EIF2AK3: variants seen among roughly 807,000 people sequenced by gnomAD.
EIF2AK3 encodes eukaryotic translation initiation factor 2-alpha kinase 3.
EIF2AK3 carries 50 observed loss-of-function variants against 113.5 expected under a neutral mutation model. The ratio of observed to expected loss-of-function variants is 0.44; its 90% CI spans 0.35 to 0.56. EIF2AK3 has a LOEUF of 0.56. Among genes scored for constraint, EIF2AK3 ranks in the 20% least tolerant of loss-of-function variants. The pLI, the probability that EIF2AK3 is intolerant of heterozygous loss-of-function variation, is 0.00. For missense variants in EIF2AK3, 1,185 were observed against 1,378.0 expected (o/e 0.86, Z 2.22); for synonymous variants, 448 against 495.4 (o/e 0.90, Z 1.27).
At chr2:88,613,125 A>G (rs1675493883) in intron 2 of EIF2AK3, among the ~76,000 whole-genome samples, 1 of 152,172 alleles carries the variant, frequency 6.6e-6, no homozygotes, top group Non-Finnish European at 1.5e-5. Flanking sequence ...GATGAGAACA[A>G]CTAAAGCTCT....
intron 2 of EIF2AK3, among the ~76,000 whole-genome samples, chr2:88,604,020 T>C (rs1675212840): frequency 6.6e-6 from 1 of 152,196 alleles, no homozygotes; most frequent in Admixed American, 6.5e-5. Context: ...ACTTCACTCA[T>C]TTCCACTGTC....
At chr2:88,561,879 A>G (rs1168792153) in intron 15 of EIF2AK3, among the ~76,000 whole-genome samples, 1 of 152,166 alleles carries the variant, frequency 6.6e-6, no homozygotes, top group Non-Finnish European at 1.5e-5. Context: ...AAAGACTTTC[A>G]GTACTATCTG....
Position 88,557,018 on chromosome 2 carries a change from T to A in EIF2AK3, c.*718A>T, listed in dbSNP as rs1234151502. ...CTTAAAAAGTCCATAGTTGAAGAAG[T>A]TAGTTGTAATATATATGATCCATTT... On this transcript the variant is annotated 3_prime_UTR_variant, in exon 17 of 17. Coordinates refer to ENST00000303236, the MANE Select transcript of EIF2AK3 (RefSeq NM_004836.7). 1 of 152,306 alleles carries A rather than the reference T, an allele frequency of 6.6e-6. No individual in the cohort carries two copies. The highest frequency in any genetic ancestry group is 1.5e-5 in the Non-Finnish European group (1 of 68,044). 9.4% of individuals were successfully genotyped at this position (152,306 alleles called of 1,614,324 possible). A position where few individuals can be genotyped will look rare whatever the true frequency, so the allele number is the denominator to read the frequency against.
Position 88,570,918 on chromosome 2 carries a change from G to T in EIF2AK3, c.2941C>A (p.His981Asn). ...AGTTTGGTCCCTACTTGTCCTGTGTGTCTGGCATAAGCTGGCATTGGGGTC... is the reference window on the plus strand; with the variant it reads ...AGTTTGGTCCCTACTTGTCCTGTGTTTCTGGCATAAGCTGGCATTGGGGTC... ...VLTPMPAYARHTGQVGTKLYM... is the reference protein window; with the variant it reads ...VLTPMPAYARNTGQVGTKLYM... Residue 981 changes from histidine (H) to asparagine (N), a missense_variant, in exon 14 of 17, where the codon CAC becomes AAC. Physicochemically the swap from His to Asn is moderately conservative, Grantham distance 68. Transcript: ENST00000303236. The T allele has an allele frequency of 4.3e-6, 7 of 1,614,154 alleles. No homozygotes were observed. Among genetic ancestry groups the T allele is most frequent in the Non-Finnish European group, 5.1e-6 (6 of 1,180,010 alleles).
intron 2 of EIF2AK3, among the ~76,000 whole-genome samples, chr2:88,612,261 T>C (rs182040868): frequency 1.4e-3 from 215 of 152,320 alleles, no homozygotes; most frequent in South Asian, 7.5e-3. Flanking sequence ...TGCTTTGAAC[T>C]ACTACAACAC....
chr2:88,571,714 C>T (rs1674314639), intron 13 of EIF2AK3, among the ~76,000 whole-genome samples: 1 of 152,172 alleles, frequency 6.6e-6, no homozygotes, highest in Non-Finnish European at 1.5e-5. Context: ...ATGAAACAGA[C>T]TGATCTTTTG....
At chr2:88,580,134 T>C (rs1003215791) in intron 10 of EIF2AK3, among the ~76,000 whole-genome samples, 1 of 152,198 alleles carries the variant, frequency 6.6e-6, no homozygotes, top group Non-Finnish European at 1.5e-5. Context: ...AAAGCTGACA[T>C]GGGTTGGGTT....
intron 2 of EIF2AK3, among the ~76,000 whole-genome samples, chr2:88,609,967 A>AAAG (rs1414133787): frequency 2.7e-5 from 4 of 149,960 alleles, no homozygotes; most frequent in African/African-American, 7.3e-5. Context: ...AAAAAAAAAA[A>AAAG]AAAAGGTAGC....
chr2:88,558,027 A>G (rs1673830805), intron 16 of EIF2AK3, 91 bp from the exon 17 acceptor site: 8 of 1,325,690 alleles, frequency 6.0e-6, no homozygotes, highest in Admixed American at 1.8e-5. Flanking sequence ...ATTTCTGTAC[A>G]TATTTTAAGC....
intron 9 of EIF2AK3, among the ~76,000 whole-genome samples, chr2:88,585,500 A>G (rs1255876338): frequency 6.6e-6 from 1 of 152,120 alleles, no homozygotes; most frequent in African/African-American, 2.4e-5. Flanking sequence ...ATGAACAGTG[A>G]AAAGAGGGAG....
chr2:88,559,610 G>A (rs1673887625), intron 15 of EIF2AK3, among the ~76,000 whole-genome samples: 1 of 151,786 alleles, frequency 6.6e-6, no homozygotes. Flanking sequence ...AGGGGAGAGA[G>A]AGAGAGAGAA....
chr2:88,608,711 T>C (rs983399776), intron 2 of EIF2AK3, among the ~76,000 whole-genome samples: 3 of 126,948 alleles, frequency 2.4e-5, no homozygotes, highest in African/African-American at 6.2e-5. Context: ...TTTTTTTTTT[T>C]TTTTTTTTTT....
rs1047738701 is a variant in EIF2AK3 at position 88,579,514 on chromosome 2, T to C, written c.1886+4A>G. ...TCAAGTTTACTGAAGGTACCACCCA[T>C]TACCTATTGGGGAGACGGATCCTCT... On this transcript the variant is annotated splice_donor_region_variant and intron_variant, in intron 11 of 16. Coordinates refer to ENST00000303236, the MANE Select transcript of EIF2AK3 (RefSeq NM_004836.7). The C allele has an allele frequency of 2.4e-5, 39 of 1,613,610 alleles. No individual in the cohort carries two copies. The highest frequency in any genetic ancestry group is 3.3e-5 in the Non-Finnish European group (39 of 1,179,666).
intron 1 of EIF2AK3, among the ~76,000 whole-genome samples, chr2:88,616,943 C>T (rs1038759884): frequency 6.6e-6 from 1 of 152,100 alleles, no homozygotes; most frequent in Non-Finnish European, 1.5e-5. Flanking sequence ...GCATTACAAG[C>T]CAGCTGTAGT....
In EIF2AK3 at chr2:88,593,322, C is replaced by T. The variant is rs763885273; in HGVS notation, c.717G>A (p.Gln239=). 6.2e-7 allele frequency: 1 copy of T among 1,613,990 alleles called. No homozygotes were observed. The change falls in exon 4 of 17, where the codon CAG becomes CAA. Residue 239 remains glutamine, a synonymous_variant. Transcript: ENST00000303236. ...CAGCTCTAACAGTTTTTTGGGTACG[C>T]TGTAGAAGCAGGATGTCTTCCTCTT... ...MEQEEDILLL[Q]RTQKTVRAVG... is the part of the protein sequence containing the mutation.
At chr2:88,616,023 C>CT (rs375374907) in intron 1 of EIF2AK3, among the ~76,000 whole-genome samples, 7,261 of 149,162 alleles carry the variant, frequency 0.049, 261 homozygotes, top group Non-Finnish European at 0.066. Context: ...TCACCACGCT[C>CT]TTTTTTTTTT....
At chr2:88,606,246 C>T (rs17037619) in intron 2 of EIF2AK3, among the ~76,000 whole-genome samples, 38,349 of 151,236 alleles carry the variant, frequency 0.25, 5,359 homozygotes, top group East Asian at 0.32. Context: ...TCTGCCTTCA[C>T]CTAGATTAAT....
chr2:88,627,448 C>T lies in EIF2AK3; in HGVS notation c.-174G>A. 1.3e-6 allele frequency: 1 copy of T among 756,108 alleles called. No individual in the cohort carries two copies. 46.8% of individuals were successfully genotyped at this position (756,108 alleles called of 1,614,324 possible). ...GTCTCAGCCCGGCCTCTGCCGCTGCCACCTGAGTGACAGCCTATCTCGGAC... is the reference window on the plus strand; with the variant it reads ...GTCTCAGCCCGGCCTCTGCCGCTGCTACCTGAGTGACAGCCTATCTCGGAC... On this transcript the variant is annotated 5_prime_UTR_variant, in exon 1 of 17. Transcript: ENST00000303236.
chr2:88,602,269 T>G (rs1163967209), intron 2 of EIF2AK3, among the ~76,000 whole-genome samples: 1 of 152,138 alleles, frequency 6.6e-6, no homozygotes, highest in African/African-American at 2.4e-5. Flanking sequence ...TCCCAAAAAT[T>G]GTATCCAGAA....
Sources: allele counts gnomAD v4.1 joint callset (sites outside exome capture counted in the v4.1 genomes callset), GRCh38; gene constraint gnomAD v4.1.1; transcripts MANE v1.5; gene names NCBI Gene and HGNC (gene_info 2026-07-23, HGNC 2026-07-21).